NLGN1: variants seen among roughly 807,000 people sequenced by gnomAD.
NLGN1 encodes neuroligin 1, also known as neuroligin-1.
In NLGN1, 12 loss-of-function variants were observed where a neutral mutation model predicts 65.5. That is an observed-to-expected ratio of 0.18 (90% confidence interval 0.12 to 0.30). The LOEUF (loss-of-function observed/expected upper bound fraction) is 0.30, where lower values mean the gene tolerates loss of function less well. NLGN1 is among the 10% of genes least tolerant of loss of function. NLGN1 has a pLI of 1.00. For missense variants in NLGN1, 750 were observed against 1,007.1 expected, an observed-to-expected ratio of 0.74 and a Z score of 3.46; for synonymous variants, 350 against 359.5, an observed-to-expected ratio of 0.97 and a Z score of 0.30.
At chr3:173,804,666 A>AAC (rs1338726760) in intron 3 of NLGN1, among the ~76,000 whole-genome samples, 1 of 151,420 alleles carries the variant, frequency 6.6e-6, no homozygotes, top group Non-Finnish European at 1.5e-5. Flanking sequence ...TCAAAAAAAA[A>AAC]AAAAAACCCT....
At chr3:173,702,833 T>TA (rs1260586435) in intron 3 of NLGN1, among the ~76,000 whole-genome samples, 2 of 152,230 alleles carry the variant, frequency 1.3e-5, no homozygotes, top group East Asian at 3.8e-4. Flanking sequence ...AAACTGTTTT[T>TA]ACTCATCTTT....
chr3:173,762,965 TACACAC>T lies in NLGN1; in HGVS notation c.494-44685_494-44680del, dbSNP rs111427276. On this transcript the variant is annotated intron_variant, in intron 3 of 6. Transcript: ENST00000457714. ...TGGGATTGTGTAAATTTGTCTCTGA[TACACAC>T]ACACACACACACACACACACACACA... Among the ~76,000 whole-genome samples, 155 of 143,356 alleles carry T rather than the reference TACACAC, an allele frequency of 1.1e-3. 1 individual carries two copies. Among genetic ancestry groups the T allele is most frequent in the Admixed American group, 6.9e-3 (98 of 14,204 alleles). 94.0% of individuals were successfully genotyped at this position (143,356 alleles called of 152,430 possible).
chr3:173,515,659 T>C (rs1733702413), intron 2 of NLGN1, among the ~76,000 whole-genome samples: 1 of 152,168 alleles, frequency 6.6e-6, no homozygotes, highest in Non-Finnish European at 1.5e-5. Context: ...AGTTGATTTT[T>C]GTGTGATAGA....
At chr3:173,778,074 G>A (rs1223152816) in intron 3 of NLGN1, among the ~76,000 whole-genome samples, 1 of 151,624 alleles carries the variant, frequency 6.6e-6, no homozygotes, top group Non-Finnish European at 1.5e-5. Flanking sequence ...TTCATCCTTG[G>A]TACCTGCAAG....
intron 3 of NLGN1, among the ~76,000 whole-genome samples, chr3:173,655,356 T>C (rs1399929941): frequency 6.6e-6 from 1 of 152,110 alleles, no homozygotes; most frequent in Non-Finnish European, 1.5e-5. Context: ...AATATATATA[T>C]GAACCTTTTT....
At chr3:173,412,323 C>A (rs1712746708) in intron 1 of NLGN1, among the ~76,000 whole-genome samples, 1 of 151,852 alleles carries the variant, frequency 6.6e-6, no homozygotes, top group African/African-American at 2.4e-5. Context: ...CACACACACA[C>A]ACACACACAC....
At chr3:173,828,263 C>G (rs913516092) in intron 4 of NLGN1, among the ~76,000 whole-genome samples, 7 of 152,064 alleles carry the variant, frequency 4.6e-5, no homozygotes, top group African/African-American at 1.7e-4. Flanking sequence ...TTTGACCATG[C>G]AGATTTCTTT....
chr3:173,426,929 A>C (rs1261380920), intron 1 of NLGN1, among the ~76,000 whole-genome samples: 2 of 152,014 alleles, frequency 1.3e-5, no homozygotes, highest in Non-Finnish European at 2.9e-5. Flanking sequence ...AAGTTTGGTA[A>C]AACTTAGCAA....
At chr3:173,518,599 C>T (rs1734253783) in intron 2 of NLGN1, among the ~76,000 whole-genome samples, 1 of 151,382 alleles carries the variant, frequency 6.6e-6, no homozygotes, top group Non-Finnish European at 1.5e-5. Context: ...AGATATTTCC[C>T]TCATTTATCT....
intron 3 of NLGN1, among the ~76,000 whole-genome samples, chr3:173,691,746 C>CT (rs1247798304): frequency 6.6e-6 from 1 of 151,988 alleles, no homozygotes; most frequent in Non-Finnish European, 1.5e-5. Context: ...ATGATACTGA[C>CT]TGTACTTGCT....
At chr3:173,542,443 A>G (rs1040117047) in intron 2 of NLGN1, among the ~76,000 whole-genome samples, 1 of 152,030 alleles carries the variant, frequency 6.6e-6, no homozygotes, top group African/African-American at 2.4e-5. Flanking sequence ...TTCACTAATC[A>G]TTGCTCACCT....
intron 4 of NLGN1, among the ~76,000 whole-genome samples, chr3:174,266,843 A>T (rs9864604): frequency 6.6e-6 from 1 of 151,932 alleles, no homozygotes; most frequent in South Asian, 2.1e-4. Flanking sequence ...ATTTTTAAAA[A>T]CTTTTTTCTT....
intron 4 of NLGN1, among the ~76,000 whole-genome samples, chr3:174,158,192 C>G (rs9860585): frequency 0.35 from 52,716 of 151,490 alleles, 11,593 homozygotes; most frequent in East Asian, 0.65. Flanking sequence ...TTTTTAGTCT[C>G]CTTTTATTTT....
At chr3:173,740,745 G>A (rs947277443) in intron 3 of NLGN1, among the ~76,000 whole-genome samples, 3 of 152,060 alleles carry the variant, frequency 2.0e-5, no homozygotes, top group African/African-American at 7.2e-5. Context: ...AGGCAAGGAA[G>A]CAATCATGTG....
At chr3:173,942,328 A>G (rs1271278252) in intron 4 of NLGN1, among the ~76,000 whole-genome samples, 1 of 152,156 alleles carries the variant, frequency 6.6e-6, no homozygotes, top group Non-Finnish European at 1.5e-5. Flanking sequence ...AATTTATAAA[A>G]GTAACCAGAA....
At chr3:174,044,101 A>G (rs886187610) in intron 4 of NLGN1, among the ~76,000 whole-genome samples, 2 of 152,048 alleles carry the variant, frequency 1.3e-5, no homozygotes, top group African/African-American at 4.8e-5. Context: ...CCCTTTAGCT[A>G]TGGCTGAAGC....
At chr3:173,510,774 G>T (rs567682658) in intron 2 of NLGN1, among the ~76,000 whole-genome samples, 2 of 152,278 alleles carry the variant, frequency 1.3e-5, no homozygotes, top group Admixed American at 1.3e-4. Flanking sequence ...CCTAGAGAGA[G>T]CACAGAGAGT....
rs191171249 is a variant in NLGN1, at chr3:173,591,960, C to T, written c.-320-12319C>T. Among the ~76,000 whole-genome samples, 1,155 of 152,276 alleles carry T rather than the reference C, an allele frequency of 7.6e-3. 8 individuals are homozygous for T. The highest frequency in any genetic ancestry group is 0.012 in the Non-Finnish European group (799 of 68,028). On this transcript the variant is annotated intron_variant, in intron 2 of 6. Coordinates refer to ENST00000457714, the Ensembl canonical transcript of NLGN1. ...AGTAATCAGCTCTACCAGGCTGTCT[C>T]TTCTGAGCTCTTGAGTGATTATTCA...
intron 2 of NLGN1, among the ~76,000 whole-genome samples, chr3:173,581,383 C>T (rs1441554635): frequency 6.6e-6 from 1 of 151,904 alleles, no homozygotes; most frequent in Non-Finnish European, 1.5e-5. Flanking sequence ...AGTTTTCTTT[C>T]ATGTTGTAAT....
Sources: gnomAD v4.1 joint callset for allele counts (sites outside exome capture counted in the v4.1 genomes callset) on GRCh38, gnomAD v4.1.1 for gene constraint, MANE v1.5 for transcripts, NCBI Gene and HGNC (gene_info 2026-07-23, HGNC 2026-07-21) for gene names.